The following SLC35F1 variants were observed in gnomAD, a reference collection of about 807,000 sequenced individuals.
SLC35F1 encodes the protein solute carrier family 35 member F1.
SLC35F1 carries 14 observed loss-of-function variants against 48.7 expected under a neutral mutation model. The ratio of observed to expected loss-of-function variants is 0.29; its 90% confidence interval spans 0.19 to 0.45. The LOEUF is 0.45. Ranked by LOEUF, SLC35F1 falls within the 20% of genes least tolerant of loss-of-function variation. The probability of loss-of-function intolerance (pLI) is 1.00; values close to 1 mark genes in which losing one functional copy is unlikely to be tolerated. For missense variants in SLC35F1, 404 were observed against 500.0 expected (o/e 0.81, Z 1.83); for synonymous variants, 190 against 202.2 (o/e 0.94, Z 0.51).
intron 1 of SLC35F1, among the ~76,000 whole-genome samples, chr6:118,075,389 G>A (rs1050357493): frequency 2.0e-5 from 3 of 152,206 alleles, no homozygotes; most frequent in African/African-American, 7.2e-5. Context: ...TTTTATATTG[G>A]CATCTTTTTA....
intron 3 of SLC35F1, among the ~76,000 whole-genome samples, chr6:118,248,809 A>G (rs181096690): frequency 5.3e-4 from 81 of 152,324 alleles, no homozygotes; most frequent in African/African-American, 1.9e-3. Flanking sequence ...AATCCTTCCC[A>G]CCTACTATAG....
intron 1 of SLC35F1, among the ~76,000 whole-genome samples, chr6:118,092,678 G>A (rs1230906034): frequency 1.3e-5 from 2 of 152,192 alleles, no homozygotes; most frequent in Non-Finnish European, 2.9e-5. Flanking sequence ...CCGAGGCCAT[G>A]AGAGCCCACC....
rs557818707 is a variant in SLC35F1, at chr6:118,316,650, A to G, written c.*2398A>G. ...CTCAGTAGACTGGAGTTTTTTAAAA[A>G]TATAAATTTCCAAAAAGTTTGCAAT... On this transcript the variant is annotated 3_prime_UTR_variant, in exon 8 of 8. Transcript: ENST00000360388. 6.5e-6 allele frequency: 1 copy of G among 152,724 alleles called. No individual in the cohort carries two copies. The highest frequency in any genetic ancestry group is 1.9e-4 in the East Asian group (1 of 5,190). The allele number at this position is 152,724 out of a possible 1,614,324, so 9.5% of individuals were successfully genotyped here.
At chr6:118,265,580 G>A (rs1316171526) in intron 3 of SLC35F1, among the ~76,000 whole-genome samples, 1 of 152,190 alleles carries the variant, frequency 6.6e-6, no homozygotes, top group East Asian at 1.9e-4. Context: ...GTGTACATAA[G>A]TGAAGGCCCT....
intron 2 of SLC35F1, among the ~76,000 whole-genome samples, chr6:118,156,595 C>T (rs952677975): frequency 2.0e-5 from 3 of 151,674 alleles, no homozygotes; most frequent in African/African-American, 4.9e-5. Flanking sequence ...GATGGCAAAC[C>T]AACATGGCAC....
chr6:118,199,208 G>T (rs929081), intron 2 of SLC35F1, among the ~76,000 whole-genome samples: 1 of 152,196 alleles, frequency 6.6e-6, no homozygotes, highest in African/African-American at 2.4e-5. Context: ...TCTTATCTCA[G>T]GACACTGCAT....
At chr6:118,306,286 A>G (rs1277809806) in intron 7 of SLC35F1, among the ~76,000 whole-genome samples, 1 of 152,242 alleles carries the variant, frequency 6.6e-6, no homozygotes, top group Non-Finnish European at 1.5e-5. Context: ...GGTTGCAGTG[A>G]CAGGAAGCAT....
At chr6:117,921,482 A>T (rs9481748) in intron 1 of SLC35F1, among the ~76,000 whole-genome samples, 2,292 of 152,348 alleles carry the variant, frequency 0.015, 71 homozygotes, top group African/African-American at 0.053. Flanking sequence ...GTGTGATTTT[A>T]GTGCCTTTCA....
At chr6:117,953,406 A>G (rs887562449) in intron 1 of SLC35F1, among the ~76,000 whole-genome samples, 1 of 152,104 alleles carries the variant, frequency 6.6e-6, no homozygotes, top group African/African-American at 2.4e-5. Context: ...ATCGACATGT[A>G]TTTATTTATA....
intron 1 of SLC35F1, among the ~76,000 whole-genome samples, chr6:117,910,884 CA>C (rs755437360): frequency 2.0e-5 from 3 of 152,184 alleles, no homozygotes; most frequent in Non-Finnish European, 4.4e-5. Flanking sequence ...CCTGTCTACC[CA>C]GGGAGAGTTA....
chr6:118,049,974 A>C (rs937346912), intron 1 of SLC35F1, among the ~76,000 whole-genome samples: 24 of 152,202 alleles, frequency 1.6e-4, no homozygotes, highest in Admixed American at 1.4e-3. Flanking sequence ...CCAAATGTCC[A>C]ACAACGATAG....
At chr6:118,042,006 A>G (rs925980792) in intron 1 of SLC35F1, among the ~76,000 whole-genome samples, 1 of 152,080 alleles carries the variant, frequency 6.6e-6, no homozygotes, top group African/African-American at 2.4e-5. Context: ...AGCTGTCCCC[A>G]TATGGACACT....
chr6:117,974,517 T>C (rs904183676), intron 1 of SLC35F1, among the ~76,000 whole-genome samples: 1 of 152,168 alleles, frequency 6.6e-6, no homozygotes, highest in Non-Finnish European at 1.5e-5. Flanking sequence ...TCTGGAAAGA[T>C]TTTTTGGAGT....
chr6:117,981,015 T>C (rs1776769635), intron 1 of SLC35F1, among the ~76,000 whole-genome samples: 1 of 152,168 alleles, frequency 6.6e-6, no homozygotes. Flanking sequence ...GATAAAAGTA[T>C]GCAGCAGAAG....
At chr6:118,003,007 A>G (rs1365106254) in intron 1 of SLC35F1, among the ~76,000 whole-genome samples, 1 of 152,196 alleles carries the variant, frequency 6.6e-6, no homozygotes, top group Non-Finnish European at 1.5e-5. Flanking sequence ...TTATCTCTGC[A>G]CACAATATCT....
intron 3 of SLC35F1, 35 bp from the exon 4 acceptor site, chr6:118,266,960 C>T: frequency 6.2e-7 from 1 of 1,608,538 alleles, no homozygotes; most frequent in Non-Finnish European, 8.5e-7. Flanking sequence ...CCTCCTGAAT[C>T]TCCTGTTGTT....
At chr6:118,200,274 G>GA (rs796397605) in intron 2 of SLC35F1, among the ~76,000 whole-genome samples, 18 of 152,242 alleles carry the variant, frequency 1.2e-4, no homozygotes, top group African/African-American at 4.3e-4. Context: ...TTCAATAGGA[G>GA]AAAAGAAACC....
At chr6:117,940,968 A>G (rs1440760797) in intron 1 of SLC35F1, among the ~76,000 whole-genome samples, 1 of 152,102 alleles carries the variant, frequency 6.6e-6, no homozygotes, top group East Asian at 1.9e-4. Flanking sequence ...GGTTTTTTAG[A>G]TTATTTCACA....
chr6:118,096,837 C>T (rs934143156), intron 1 of SLC35F1, among the ~76,000 whole-genome samples: 6 of 152,150 alleles, frequency 3.9e-5, no homozygotes, highest in Admixed American at 3.9e-4. Flanking sequence ...CCCAAAGCTG[C>T]TCTTTTTCCA....
Sources: gnomAD v4.1 joint callset for allele counts (sites outside exome capture counted in the v4.1 genomes callset) on GRCh38, gnomAD v4.1.1 for gene constraint, MANE v1.5 for transcripts, NCBI Gene and HGNC (gene_info 2026-07-23, HGNC 2026-07-21) for gene names.